ANK2: variants seen among roughly 807,000 people sequenced by gnomAD.
The protein encoded by ANK2 is ankyrin 2.
In ANK2, 83 loss-of-function variants were observed where a neutral mutation model predicts 360.5. The ratio of observed to expected loss-of-function variants is 0.23; its 90% confidence interval spans 0.19 to 0.28. The LOEUF (loss-of-function observed/expected upper bound fraction) is 0.28, where lower values mean the gene tolerates loss of function less well. Among genes scored for constraint, ANK2 ranks in the 10% least tolerant of loss-of-function variants. The probability of loss-of-function intolerance (pLI) is 1.00; values close to 1 mark genes in which losing one functional copy is unlikely to be tolerated. For synonymous variants in ANK2, 1,740 were observed against 1,759.5 expected, an observed-to-expected ratio of 0.99 and a Z score of 0.28; for missense variants, 4,201 against 4,795.7, an observed-to-expected ratio of 0.88 and a Z score of 3.66.
chr4:112,941,424 T>C (rs1199969857), intron 2 of ANK2, among the ~76,000 whole-genome samples: 2 of 144,836 alleles, frequency 1.4e-5, no homozygotes, highest in African/African-American at 5.0e-5. Context: ...GTTAAAAAGA[T>C]ATATTTTTTG....
At chr4:113,293,900 C>T (rs1377818567) in intron 22 of ANK2, among the ~76,000 whole-genome samples, 1 of 152,202 alleles carries the variant, frequency 6.6e-6, no homozygotes, top group East Asian at 1.9e-4. Flanking sequence ...TGCAAACTTA[C>T]CTTAGCCAGG....
intron 1 of ANK2, among the ~76,000 whole-genome samples, chr4:113,123,885 T>G (rs1168985618): frequency 6.6e-6 from 1 of 152,160 alleles, no homozygotes; most frequent in African/African-American, 2.4e-5. Flanking sequence ...AATTTTTTCA[T>G]GTGTAGATAG....
intron 1 of ANK2, among the ~76,000 whole-genome samples, chr4:112,836,020 A>G (rs1444020876): frequency 6.6e-6 from 1 of 152,116 alleles, no homozygotes; most frequent in East Asian, 1.9e-4. Context: ...CTTATCTGGA[A>G]TTGCTGGGTC....
chr4:113,087,981 C>T (rs1452452262), intron 1 of ANK2, among the ~76,000 whole-genome samples: 1 of 152,058 alleles, frequency 6.6e-6, no homozygotes. Context: ...ACCTCTGAAC[C>T]TCAAAAGATT....
In ANK2 at chr4:113,089,045, G is replaced by A. The variant is rs146446703; in HGVS notation, c.84+39233G>A. Among the ~76,000 whole-genome samples the A allele has an allele frequency of 4.5e-4, 68 of 152,196 alleles. No homozygotes were observed. In the East Asian group the frequency reaches 0.013, roughly 29 times the overall value. ...GTGGGCCCAACTGGCTTTCTTACCTGGTGGTCTCAGGGAAGTATTCCAAAA... is the reference window on the plus strand; with the variant it reads ...GTGGGCCCAACTGGCTTTCTTACCTAGTGGTCTCAGGGAAGTATTCCAAAA... On this transcript the variant is annotated intron_variant, in intron 1 of 45. Transcript: ENST00000357077.
In ANK2 at chr4:113,125,037, G is replaced by T. The variant is rs189727540; in HGVS notation, c.85-49379G>T. 4.7e-3 allele frequency among the ~76,000 whole-genome samples: 710 copies of T among 152,184 alleles called. 4 individuals carry two copies. The highest frequency in any genetic ancestry group is 0.016 in the African/African-American group (681 of 41,526). Reference sequence around the variant, plus strand: ...TAATCTAATCAATTTATTTGGTTAAGACTAATGGTGTTATTTCACATTAAC... The same window carrying T: ...TAATCTAATCAATTTATTTGGTTAATACTAATGGTGTTATTTCACATTAAC... On this transcript the variant is annotated intron_variant, in intron 1 of 45. Coordinates refer to ENST00000357077, the MANE Select transcript of ANK2 (RefSeq NM_001148.6).
chr4:112,716,618 T>G, the ANK2 span, among the ~76,000 whole-genome samples: 3 of 152,186 alleles, frequency 2.0e-5, no homozygotes, highest in Admixed American at 1.3e-4. Flanking sequence ...GCAGCGATGA[T>G]TCATAGGCAT....
chr4:113,013,714 T>C (rs1417932324), intron 2 of ANK2, among the ~76,000 whole-genome samples: 1 of 152,200 alleles, frequency 6.6e-6, no homozygotes, highest in Non-Finnish European at 1.5e-5. Context: ...TGTCTTTATG[T>C]TTGGTCTATT....
At chr4:112,832,939 T>C (rs545375848) in intron 1 of ANK2, among the ~76,000 whole-genome samples, 3 of 152,168 alleles carry the variant, frequency 2.0e-5, no homozygotes, top group Non-Finnish European at 2.9e-5. Flanking sequence ...AAGAGACAAG[T>C]CCACCTAAAG....
chr4:113,045,280 A>G (rs891605411), upstream of ANK2, among the ~76,000 whole-genome samples: 3 of 152,210 alleles, frequency 2.0e-5, no homozygotes, highest in African/African-American at 7.2e-5. Context: ...CAAAACACCA[A>G]TAAAGACATC....
At chr4:113,168,846 G>A (rs1418780224) in intron 1 of ANK2, among the ~76,000 whole-genome samples, 1 of 152,150 alleles carries the variant, frequency 6.6e-6, no homozygotes, top group African/African-American at 2.4e-5. Context: ...GCAGTCCTTG[G>A]ACAGAAGTAT....
intron 19 of ANK2, 44 bp from the exon 20 acceptor site, chr4:113,288,344 A>T (rs2065787315): frequency 6.6e-7 from 1 of 1,520,654 alleles, no homozygotes; most frequent in African/African-American, 1.4e-5. Flanking sequence ...AGAGTAGTAA[A>T]GTTTCTACTT....
chr4:113,226,742 T>A (rs2099227920), intron 4 of ANK2, among the ~76,000 whole-genome samples: 1 of 152,154 alleles, frequency 6.6e-6, no homozygotes, highest in Non-Finnish European at 1.5e-5. Flanking sequence ...ATATAATGAA[T>A]AACAAATAAT....
At chr4:113,145,156 A>G (rs185172758) in intron 1 of ANK2, among the ~76,000 whole-genome samples, 4 of 152,314 alleles carry the variant, frequency 2.6e-5, no homozygotes, top group African/African-American at 7.2e-5. Context: ...AAACTACACA[A>G]TTATAAAAAC....
At chr4:113,319,884 AG>A (rs2085092194) in intron 26 of ANK2, among the ~76,000 whole-genome samples, 1 of 152,226 alleles carries the variant, frequency 6.6e-6, no homozygotes, top group Non-Finnish European at 1.5e-5. Context: ...CTGGATGTAG[AG>A]TATTGTAGGA....
At chr4:113,368,692 G>T (rs2096623813) in intron 42 of ANK2, among the ~76,000 whole-genome samples, 2 of 152,166 alleles carry the variant, frequency 1.3e-5, no homozygotes, top group African/African-American at 4.8e-5. Flanking sequence ...CATTTGGTGA[G>T]TTTTGTGGTC....
At chr4:112,862,891 A>G (rs1239314423) in intron 1 of ANK2, among the ~76,000 whole-genome samples, 2 of 152,192 alleles carry the variant, frequency 1.3e-5, no homozygotes, top group African/African-American at 2.4e-5. Flanking sequence ...CTCTTAAAAA[A>G]AAAATGAAAT....
chr4:112,916,482 T>C (rs1329359637), intron 2 of ANK2, among the ~76,000 whole-genome samples: 1 of 152,198 alleles, frequency 6.6e-6, no homozygotes, highest in Non-Finnish European at 1.5e-5. Context: ...ATTTGAATAA[T>C]CAATGCATAA....
intron 10 of ANK2, among the ~76,000 whole-genome samples, chr4:113,251,023 G>A (rs543659331): frequency 2.0e-5 from 3 of 152,246 alleles, no homozygotes; most frequent in East Asian, 1.9e-4. Flanking sequence ...TACCTATACT[G>A]TGAATGTTGT....
Sources: gnomAD v4.1 joint callset for allele counts (sites outside exome capture counted in the v4.1 genomes callset) on GRCh38, gnomAD v4.1.1 for gene constraint, MANE v1.5 for transcripts, NCBI Gene and HGNC (gene_info 2026-07-23, HGNC 2026-07-21) for gene names.